Variants in PUDP observed in about 807,000 individuals in gnomAD.
PUDP encodes the protein pseudouridine-5'-phosphatase.
A neutral mutation model predicts 9.4 loss-of-function variants in PUDP; 8 were observed. The observed-to-expected ratio is 0.85, with a 90% confidence interval of 0.50 to 1.53. PUDP has a LOEUF of 1.53. Among genes scored for constraint, PUDP ranks in the 40% most tolerant of loss-of-function variants. The pLI is 0.00. For synonymous variants in PUDP, 99 were observed against 80.7 expected (o/e 1.23, Z -1.22); for missense variants, 188 against 189.7 (o/e 0.99, Z 0.05).
chrX:6,794,557 CT>C (rs1284902659), intron 3 of PUDP, among the ~76,000 whole-genome samples: 1 of 109,435 alleles, frequency 9.1e-6, no homozygotes, highest in Non-Finnish European at 1.9e-5. Context: ...TTAAAAAACA[CT>C]TTTCTTTCTT....
intron 3 of PUDP, among the ~76,000 whole-genome samples, chrX:6,891,571 C>A (rs372254302): frequency 4.9e-4 from 55 of 112,478 alleles, no homozygotes; most frequent in African/African-American, 1.7e-3. Context: ...TCAGCCTGGA[C>A]AAGGCATTGC....
intron 3 of PUDP, among the ~76,000 whole-genome samples, chrX:7,058,062 G>A (rs776619555): frequency 9.0e-6 from 1 of 111,346 alleles, no homozygotes; most frequent in East Asian, 2.9e-4. Context: ...CCATCGGGAA[G>A]CAGACAGAAC....
chrX:6,752,185 G>C (rs746154583), intron 3 of PUDP, among the ~76,000 whole-genome samples: 2 of 111,658 alleles, frequency 1.8e-5, no homozygotes, highest in South Asian at 7.6e-4. Flanking sequence ...TTTGGCCTCT[G>C]ACAGCACTTT....
intron 3 of PUDP, among the ~76,000 whole-genome samples, chrX:6,962,128 C>A (rs747747285): frequency 4.7e-4 from 52 of 111,684 alleles, no homozygotes; most frequent in Non-Finnish European, 9.4e-4. Context: ...GTTGAGCATA[C>A]AAAATTCATT....
intron 3 of PUDP, among the ~76,000 whole-genome samples, chrX:6,966,883 C>T (rs1928793559): frequency 8.9e-6 from 1 of 111,743 alleles, no homozygotes; most frequent in South Asian, 3.7e-4. Flanking sequence ...TGGTGAGGAA[C>T]AGGGATGCTG....
intron 3 of PUDP, among the ~76,000 whole-genome samples, chrX:6,775,602 C>T (rs775332200): frequency 1.4e-4 from 15 of 110,928 alleles, no homozygotes; most frequent in Non-Finnish European, 2.3e-4. Context: ...TCTCTGTCCT[C>T]CCAAAAGTCA....
At chrX:7,004,696 A>T (rs1009895735) in intron 1 of PUDP, among the ~76,000 whole-genome samples, 1 of 112,169 alleles carries the variant, frequency 8.9e-6, no homozygotes, top group Admixed American at 9.4e-5. Context: ...TTTAGATGAT[A>T]CTCAGATCTT....
intron 3 of PUDP, among the ~76,000 whole-genome samples, chrX:6,877,536 T>G (rs762785536): frequency 9.0e-6 from 1 of 111,243 alleles, no homozygotes; most frequent in Non-Finnish European, 1.9e-5. Context: ...ACAAGCACTC[T>G]CAGCAGATCT....
At chrX:7,104,459 A>G (rs923217225) in intron 2 of PUDP, among the ~76,000 whole-genome samples, 7 of 112,046 alleles carry the variant, frequency 6.2e-5, no homozygotes, top group Non-Finnish European at 1.3e-4. Context: ...AAGATGAAAA[A>G]GTTCTGGAGG....
At position 7,078,320 on chromosome X, in the gene PUDP, G is replaced by A. The variant is rs1438023473; in HGVS notation, c.281-871C>T. Among the ~76,000 whole-genome samples, 3 of 112,462 alleles carry A rather than the reference G, an allele frequency of 2.7e-5. No individual in the cohort carries two copies. In the Admixed American group the frequency reaches 2.8e-4, roughly 11 times the overall value. On this transcript the variant is annotated intron_variant, in intron 2 of 3. Transcript: ENST00000381077. ...AATTTCATTTTATTTTTCAGACAGG[G>A]TCTCACTCTGTTGCCCAGGCTGGAG...
At chrX:6,833,240 G>T (rs2042279352) in intron 3 of PUDP, among the ~76,000 whole-genome samples, 1 of 111,354 alleles carries the variant, frequency 9.0e-6, no homozygotes, top group Admixed American at 9.5e-5. Context: ...CAATTATAAT[G>T]TAGGTAGGTA....
chrX:7,057,539 T>G, intron 3 of PUDP: 1 of 783,735 alleles, frequency 1.3e-6, no homozygotes, highest in Non-Finnish European at 1.7e-6. Context: ...TTAAGCCTGA[T>G]GGAGAAGCTG....
At chrX:6,911,652 G>A (rs1367938344) in intron 3 of PUDP, among the ~76,000 whole-genome samples, 1 of 111,083 alleles carries the variant, frequency 9.0e-6, no homozygotes, top group Non-Finnish European at 1.9e-5. Context: ...TTGTCATTAA[G>A]GTTTTAATGT....
At chrX:6,895,778 A>G (rs1317569738) in intron 3 of PUDP, among the ~76,000 whole-genome samples, 1 of 111,599 alleles carries the variant, frequency 9.0e-6, no homozygotes, top group Non-Finnish European at 1.9e-5. Flanking sequence ...ACTTAAAGAA[A>G]ACGGACGTTT....
chrX:6,997,158 T>C, intron 1 of PUDP, among the ~76,000 whole-genome samples: 1 of 112,544 alleles, frequency 8.9e-6, no homozygotes, highest in Admixed American at 9.4e-5. Flanking sequence ...ACTATAATTC[T>C]ATATATTCTA....
chrX:7,108,377 G>A (rs1289839494), intron 1 of PUDP, among the ~76,000 whole-genome samples: 2 of 112,013 alleles, frequency 1.8e-5, no homozygotes, highest in Non-Finnish European at 1.9e-5. Context: ...GCTGGGCCCA[G>A]TCCACCCTGT....
At position 6,860,482 on chromosome X, in the gene PUDP, G is replaced by GTTTTTTT. The variant is rs1283657173; in HGVS notation, c.*247+116650_*247+116651insAAAAAAA. 4.9e-5 allele frequency among the ~76,000 whole-genome samples: 5 copies of GTTTTTTT among 102,443 alleles called. 1 individual carries two copies. Among genetic ancestry groups the GTTTTTTT allele is most frequent in the Non-Finnish European group, 9.8e-5 (5 of 50,855 alleles). The allele number at this position is 102,443 out of a possible 115,157, so 89.0% of individuals were successfully genotyped here. A position where few individuals can be genotyped will look rare whatever the true frequency, so the allele number is the denominator to read the frequency against. On this transcript the variant is annotated intron_variant and NMD_transcript_variant, in intron 3 of 3. Coordinates refer to the PUDP transcript ENST00000655425. ...TGTGGTTTTTTGTTTTTTGTTTTTT[G>GTTTTTTT]TTTTTTGAGACAGAGTCTCACTCTG...
At chrX:6,902,424 G>A (rs184579727) in intron 3 of PUDP, among the ~76,000 whole-genome samples, 298 of 111,941 alleles carry the variant, frequency 2.7e-3, no homozygotes, top group Non-Finnish European at 4.8e-3. Context: ...GCTTCCACCT[G>A]TTAGACACTG....
chrX:6,801,684 G>T (rs187557068), intron 3 of PUDP, among the ~76,000 whole-genome samples: 76 of 111,964 alleles, frequency 6.8e-4, no homozygotes, highest in Non-Finnish European at 1.1e-3. Context: ...TTGCCAAAGG[G>T]ACTCTTTTCT....
Sources: allele counts gnomAD v4.1 joint callset (sites outside exome capture counted in the v4.1 genomes callset), GRCh38; gene constraint gnomAD v4.1.1; transcripts MANE v1.5; gene names NCBI Gene and HGNC (gene_info 2026-07-23, HGNC 2026-07-21).